Variants in GPSM2 observed in about 807,000 individuals in gnomAD.
The protein encoded by GPSM2 is G protein signaling modulator 2, also known as G protein-signaling modulator 2.
A neutral mutation model predicts 78.4 loss-of-function variants in GPSM2; 58 were observed. The observed-to-expected ratio is 0.74, with a 90% confidence interval of 0.60 to 0.92. The LOEUF (loss-of-function observed/expected upper bound fraction) is 0.92. GPSM2 is among the 40% of genes least tolerant of loss of function. The pLI is 0.00. For synonymous variants in GPSM2, 224 were observed against 280.2 expected, an observed-to-expected ratio of 0.80 and a Z score of 2.00; for missense variants, 700 against 815.5, an observed-to-expected ratio of 0.86 and a Z score of 1.73.
intron 10 of GPSM2, among the ~76,000 whole-genome samples, chr1:108,907,133 A>G (rs10776766): frequency 0.31 from 46,832 of 152,046 alleles, 7,649 homozygotes; most frequent in African/African-American, 0.41. Context: ...GGCTGTATGA[A>G]GACAGGTGTT....
rs191870755 is a variant in GPSM2, at chr1:108,924,030, C to T, written c.1631C>T (p.Thr544Met). 1.9e-4 allele frequency: 301 copies of T among 1,611,554 alleles called. 1 individual carries two copies. The highest frequency in any genetic ancestry group is 1.3e-3 in the Middle Eastern group (8 of 6,052). The change falls in exon 14 of 15, where the codon ACG becomes ATG. Residue 544 changes from threonine to methionine, a missense_variant. Transcript: ENST00000264126. ...TCTGTTCCTGTGGTATCCCCCAACA[C>T]GGATGAGTTTTTAGATCTTCTTGCC... ...TSSVPVVSPN[T>M]DEFLDLLASS... is the part of the protein sequence containing the mutation.
At chr1:108,912,671 G>T (rs188823307) in intron 10 of GPSM2, among the ~76,000 whole-genome samples, 1 of 151,968 alleles carries the variant, frequency 6.6e-6, no homozygotes, top group East Asian at 1.9e-4. Context: ...AGCCCAAGAG[G>T]TCACCTAAGC....
chr1:108,878,955 T>G (rs906149194), intron 1 of GPSM2, among the ~76,000 whole-genome samples: 3 of 152,256 alleles, frequency 2.0e-5, no homozygotes, highest in African/African-American at 4.8e-5. Flanking sequence ...GTATTGCTTC[T>G]GTGTGTCTGT....
intron 11 of GPSM2, among the ~76,000 whole-genome samples, chr1:108,915,308 T>G (rs1353549468): frequency 2.1e-5 from 3 of 143,202 alleles, no homozygotes; most frequent in Admixed American, 7.0e-5. Flanking sequence ...GAGGCGGAGG[T>G]TGCAGTGAGC....
intron 2 of GPSM2, 91 bp downstream of exon 2, chr1:108,885,669 T>TAA (rs1432807088): frequency 1.3e-6 from 1 of 799,952 alleles, no homozygotes; most frequent in East Asian, 2.4e-5. Flanking sequence ...CAGTTGAAAA[T>TAA]ACTCAAATAT....
chr1:108,903,031 ATTCT>A, intron 8 of GPSM2, 91 bp from the exon 9 acceptor site: 1 of 750,546 alleles, frequency 1.3e-6, no homozygotes, highest in Non-Finnish European at 2.4e-6. Flanking sequence ...AATCCAAAGC[ATTCT>A]TTATCCCTTT....
chr1:108,922,275 C>G (rs1371169266), intron 12 of GPSM2, 142 bp from the exon 13 acceptor site: 3 of 643,530 alleles, frequency 4.7e-6, no homozygotes, highest in Non-Finnish European at 8.3e-6. Context: ...CCAATATTTG[C>G]CATCTTGTAT....
chr1:108,886,973 G>T (rs751244080), intron 2 of GPSM2, among the ~76,000 whole-genome samples: 1 of 151,362 alleles, frequency 6.6e-6, no homozygotes, highest in Non-Finnish European at 1.5e-5. Context: ...TGTAACCTCC[G>T]CCTCCCATGT....
chr1:108,882,204 G>A (rs550715696), intron 1 of GPSM2, among the ~76,000 whole-genome samples: 1 of 152,138 alleles, frequency 6.6e-6, no homozygotes, highest in Non-Finnish European at 1.5e-5. Context: ...TTCCACCTTG[G>A]TCTCCCAAAG....
chr1:108,877,157 C>T lies in GPSM2; in HGVS notation c.-320C>T, dbSNP rs1459768425. The T allele has an allele frequency of 6.6e-6, 1 of 152,194 alleles. No homozygotes were observed. Among genetic ancestry groups the T allele is most frequent in the Non-Finnish European group, 1.5e-5 (1 of 68,048 alleles). The allele number at this position is 152,194 out of a possible 1,614,324, so 9.4% of individuals were successfully genotyped here. On this transcript the variant is annotated 5_prime_UTR_variant, in exon 1 of 15. Coordinates refer to ENST00000264126, the MANE Select transcript of GPSM2 (RefSeq NM_013296.5). ...CCCTGCCTTGGGGAGGGGCCGTGAC[C>T]ACCCGTCTGTCGCCCGAGGCGGCCG...
intron 2 of GPSM2, 99 bp from the exon 3 acceptor site, chr1:108,896,765 G>A: frequency 1.1e-6 from 1 of 934,322 alleles, no homozygotes; most frequent in Non-Finnish European, 1.8e-6. Flanking sequence ...CAGCTGCCCT[G>A]AACAAGAGTA....
In GPSM2 at chr1:108,931,615, T is replaced by TTAAG. The variant is rs1456028099; in HGVS notation, c.*1677_*1680dup. 5 of 1,231,386 alleles carry TTAAG rather than the reference T, an allele frequency of 4.1e-6. No individual in the cohort carries two copies. The highest frequency in any genetic ancestry group is 2.7e-5 in the East Asian group (1 of 36,688). The allele number at this position is 1,231,386 out of a possible 1,614,324, so 76.3% of individuals were successfully genotyped here. On this transcript the variant is annotated 3_prime_UTR_variant, in exon 15 of 15. Transcript: ENST00000264126. Reference sequence around the variant, plus strand: ...GAGTCATAACCTGGAATTAATTACATTAAGTGCTCAGCTAAAAAAAAAAAA... The same window carrying TTAAG: ...GAGTCATAACCTGGAATTAATTACATTAAGTAAGTGCTCAGCTAAAAAAAAAAAA...
At position 108,898,959 on chromosome 1, in the gene GPSM2, T is replaced by G. The variant is rs1288449520; in HGVS notation, c.762T>G (p.Phe254Leu). ...GCAACCTTGGAAATGCATATATATT[T>G]CTTGGTGAATTTGAAACTGCCTCGG... Reference protein sequence around the residue: ...AYSNLGNAYIFLGEFETASEY... With the variant: ...AYSNLGNAYILLGEFETASEY... Residue 254 changes from phenylalanine to leucine, a missense_variant, in exon 7 of 15, where the codon TTT becomes TTG. Physicochemically the swap from Phe to Leu is conservative, Grantham distance 22. Transcript: ENST00000264126. 6.2e-7 allele frequency: 1 copy of G among 1,608,544 alleles called. No homozygotes were observed. Among genetic ancestry groups the G allele is most frequent in the Non-Finnish European group, 8.5e-7 (1 of 1,175,166 alleles).
At chr1:108,927,931 C>G (rs1216910990) in intron 14 of GPSM2, among the ~76,000 whole-genome samples, 1 of 152,046 alleles carries the variant, frequency 6.6e-6, no homozygotes, top group Non-Finnish European at 1.5e-5. Flanking sequence ...TCACTGTGCT[C>G]CAGCTTAGGC....
At chr1:108,910,486 A>G (rs769739823) in intron 10 of GPSM2, among the ~76,000 whole-genome samples, 3 of 152,244 alleles carry the variant, frequency 2.0e-5, no homozygotes, top group Non-Finnish European at 2.9e-5. Flanking sequence ...CAAGAAAAGT[A>G]AATTACCGGC....
At chr1:108,917,629 T>C (rs1281229836) in intron 11 of GPSM2, among the ~76,000 whole-genome samples, 176 of 16,226 alleles carry the variant, frequency 0.011, 9 homozygotes, top group African/African-American at 0.025. Flanking sequence ...TATATATATA[T>C]ATATATATAT....
At chr1:108,889,983 A>G (rs909836640) in intron 2 of GPSM2, among the ~76,000 whole-genome samples, 4 of 152,088 alleles carry the variant, frequency 2.6e-5, no homozygotes, top group Admixed American at 6.6e-5. Context: ...TGCTCATGCT[A>G]TGCCCTATGT....
chr1:108,886,892 GTT>G (rs572236285), intron 2 of GPSM2, among the ~76,000 whole-genome samples: 4 of 142,174 alleles, frequency 2.8e-5, no homozygotes, highest in Admixed American at 7.1e-5. Context: ...TTGTGTTTTT[GTT>G]TTTTTTTTTT....
chr1:108,909,614 G>GAAA (rs1649538541), intron 10 of GPSM2: 1 of 151,946 alleles, frequency 6.6e-6, no homozygotes, highest in Non-Finnish European at 1.5e-5. Context: ...ATTTAAAAAG[G>GAAA]AAAAAGCTGG....
Sources: gnomAD v4.1 joint callset for allele counts (sites outside exome capture counted in the v4.1 genomes callset) on GRCh38, gnomAD v4.1.1 for gene constraint, MANE v1.5 for transcripts, NCBI Gene and HGNC (gene_info 2026-07-23, HGNC 2026-07-21) for gene names.